ASF1B: variants seen among roughly 807,000 people sequenced by gnomAD.
ASF1B encodes histone chaperone ASF1B.
In ASF1B, 10 loss-of-function variants were observed where a neutral mutation model predicts 16.6. The ratio of observed to expected loss-of-function variants is 0.60; its 90% CI spans 0.37 to 1.02. The LOEUF (loss-of-function observed/expected upper bound fraction) is 1.02. Ranked by LOEUF, ASF1B falls within the 50% of genes least tolerant of loss-of-function variation. ASF1B has a pLI of 0.01. For missense variants in ASF1B, 240 were observed against 266.0 expected, an observed-to-expected ratio of 0.90 and a Z score of 0.68; for synonymous variants, 101 against 106.2, an observed-to-expected ratio of 0.95 and a Z score of 0.30.
At chr19:14,121,358 G>C in intron 3 of ASF1B, 174 bp downstream of exon 3, 1 of 609,442 alleles carries the variant, frequency 1.6e-6, no homozygotes, top group Non-Finnish European at 2.7e-6. Flanking sequence ...AATTCTCTAA[G>C]ACATGCCTTT....
At chr19:14,135,240 A>T (rs1427275361) in intron 1 of ASF1B, among the ~76,000 whole-genome samples, 1 of 151,364 alleles carries the variant, frequency 6.6e-6, no homozygotes, top group East Asian at 1.9e-4. Flanking sequence ...AAAAAAAAAA[A>T]AGAAGAGGAA....
rs1329858336 is a variant in ASF1B, at chr19:14,120,493, C to T, written c.575G>A (p.Gly192Asp). The T allele has an allele frequency of 1.2e-6, 2 of 1,612,778 alleles. No homozygotes were observed. Among genetic ancestry groups the T allele is most frequent in the African/African-American group, 1.3e-5 (1 of 74,848 alleles). Residue 192 changes from glycine to aspartate, a missense_variant, in exon 4 of 4, where the codon GGC (glycine) becomes GAC (aspartate). Transcript: ENST00000263382. ...GTCCATGGAGTTCTCAGGGAGGAGG[C>T]CAGGGATGCAGCCAGGGAGCCCCAA... is the stretch of plus-strand genomic sequence containing the variant. ...KGLGLPGCIP[G>D]LLPENSMDCI
In ASF1B at chr19:14,120,529, G is replaced by A; in HGVS notation, c.539C>T (p.Pro180Leu). Residue 180 changes from proline (P) to leucine (L), a missense_variant, in exon 4 of 4, where the codon CCT (proline) becomes CTT (leucine). Coordinates refer to ENST00000263382, the MANE Select transcript of ASF1B (RefSeq NM_018154.3). Reference sequence around the variant, plus strand: ...GCCAGGGAGCCCCAAGCCCTTGATAGGAGTGCAGTTGAGTGGGAGGCCGCA... The same window carrying A: ...GCCAGGGAGCCCCAAGCCCTTGATAAGAGTGCAGTTGAGTGGGAGGCCGCA... Reference protein sequence around the residue: ...LGCGLPLNCTPIKGLGLPGCI... With the variant: ...LGCGLPLNCTLIKGLGLPGCI... The A allele has an allele frequency of 3.1e-6, 5 of 1,613,610 alleles. No homozygotes were observed. Among genetic ancestry groups the A allele is most frequent in the Non-Finnish European group, 4.2e-6 (5 of 1,179,698 alleles).
rs1599356162 is a variant in ASF1B, at chr19:14,121,638, C to T, written c.296G>A (p.Cys99Tyr). The T allele has an allele frequency of 6.2e-7, 1 of 1,613,958 alleles. No individual in the cohort carries two copies. Among genetic ancestry groups the T allele is most frequent in the Non-Finnish European group, 8.5e-7 (1 of 1,179,994 alleles). ...AVGVTVVLIT[C>Y]TYHGQEFIRV... ...GATGAACTCCTGTCCATGGTAGGTG[C>T]AGGTGATGAGGACCACAGTCACACC... is the stretch of plus-strand genomic sequence containing the variant. The change falls in exon 3 of 4, where the codon TGC becomes TAC. Residue 99 changes from cysteine (C) to tyrosine (Y), a missense_variant. Physicochemically the swap from Cys to Tyr is radical, Grantham distance 194. Transcript: ENST00000263382.
chr19:14,129,122 C>G (rs563918946), intron 1 of ASF1B, among the ~76,000 whole-genome samples: 1 of 152,162 alleles, frequency 6.6e-6, no homozygotes, highest in Admixed American at 6.5e-5. Context: ...GGTGTGGTGG[C>G]GCGTGCCGGT....
rs1287994365 is a variant in ASF1B, at chr19:14,120,084, C to A, written c.*375G>T. ...TGACAAAGCCTTTGGCTCAGCAGGA[C>A]TGGAGCCTTGACAGGCACTGACCAA... is the stretch of plus-strand genomic sequence containing the variant. On this transcript the variant is annotated 3_prime_UTR_variant, in exon 4 of 4. Coordinates refer to ENST00000263382, the MANE Select transcript of ASF1B (RefSeq NM_018154.3). 2 of 207,420 alleles carry A rather than the reference C, an allele frequency of 9.6e-6. No homozygotes were observed. Among genetic ancestry groups the A allele is most frequent in the Admixed American group, 6.1e-5 (1 of 16,294 alleles). 12.8% of individuals were successfully genotyped at this position (207,420 alleles called of 1,614,324 possible). A position where few individuals can be genotyped will look rare whatever the true frequency, so the allele number is the denominator to read the frequency against.
intron 2 of ASF1B, among the ~76,000 whole-genome samples, chr19:14,123,092 C>T (rs1397104254): frequency 1.3e-5 from 2 of 152,178 alleles, no homozygotes; most frequent in Non-Finnish European, 2.9e-5. Context: ...AACACCACGC[C>T]CCTCCAGAAA....
At position 14,136,388 on chromosome 19, in the gene ASF1B, C is replaced by A. The variant is rs756363838; in HGVS notation, c.69G>T (p.Arg23=). 6.2e-7 allele frequency: 1 copy of A among 1,613,628 alleles called. No individual in the cohort carries two copies. The highest frequency in any genetic ancestry group is 8.5e-7 in the Non-Finnish European group (1 of 1,179,676). Residue 23 remains arginine (R), a synonymous_variant, in exon 1 of 4, where the codon CGG becomes CGT. Coordinates refer to ENST00000263382, the MANE Select transcript of ASF1B (RefSeq NM_018154.3). The part of the protein sequence containing the change: ...ENPSPFHSPF[R]FEISFECSEA... ...CACTGCACTCGAAGCTGATCTCGAA[C>A]CGGAAGGGGCTGTGGAAAGGGCTCG...
At chr19:14,126,471 A>G (rs905642087) in intron 1 of ASF1B, among the ~76,000 whole-genome samples, 3 of 149,148 alleles carry the variant, frequency 2.0e-5, no homozygotes, top group Non-Finnish European at 3.0e-5. Flanking sequence ...CGCCTAGCTA[A>G]TTTTTTTTTT....
At chr19:14,135,799 G>C (rs1226378615) in intron 1 of ASF1B, among the ~76,000 whole-genome samples, 2 of 151,840 alleles carry the variant, frequency 1.3e-5, no homozygotes, top group Non-Finnish European at 2.9e-5. Context: ...GTCTCCAGAG[G>C]GAAAATGGGA....
intron 1 of ASF1B, 81 bp from the exon 2 acceptor site, chr19:14,126,318 T>C (rs2144513030): frequency 9.9e-7 from 1 of 1,010,456 alleles, no homozygotes; most frequent in Middle Eastern, 2.2e-4. Flanking sequence ...TTTTTTTTTT[T>C]TTTTGAGATG....
chr19:14,121,923 CTT>C (rs532286071), intron 2 of ASF1B, among the ~76,000 whole-genome samples: 1 of 141,884 alleles, frequency 7.0e-6, no homozygotes, highest in Non-Finnish European at 1.6e-5. Flanking sequence ...ACCCGGCTAA[CTT>C]TTTTTTTTTT....
In ASF1B at chr19:14,136,557, A is replaced by C. The variant is rs910575687; in HGVS notation, c.-101T>G. The C allele has an allele frequency of 5.8e-6, 5 of 869,422 alleles. No homozygotes were observed. Among genetic ancestry groups the C allele is most frequent in the Non-Finnish European group, 5.2e-6 (3 of 580,142 alleles). The allele number at this position is 869,422 out of a possible 1,614,324, so 53.9% of individuals were successfully genotyped here. On this transcript the variant is annotated 5_prime_UTR_variant, in exon 1 of 4. Coordinates refer to ENST00000263382, the MANE Select transcript of ASF1B (RefSeq NM_018154.3). ...CAGTGGGGTAGGGCTGACCAGGTCC[A>C]CTCCCGCCTCTTCTCTCCGAGAACT... is the stretch of plus-strand genomic sequence containing the variant.
chr19:14,125,900 A>T (rs1466561971), intron 2 of ASF1B, among the ~76,000 whole-genome samples: 1 of 151,258 alleles, frequency 6.6e-6, no homozygotes, highest in East Asian at 1.9e-4. Flanking sequence ...ACAGGGTCTC[A>T]CTGTGTTGCC....
At chr19:14,123,900 C>T (rs956876871) in intron 2 of ASF1B, among the ~76,000 whole-genome samples, 1 of 151,540 alleles carries the variant, frequency 6.6e-6, no homozygotes, top group Non-Finnish European at 1.5e-5. Flanking sequence ...AAATAATTCT[C>T]GTGCCTCAGC....
intron 1 of ASF1B, among the ~76,000 whole-genome samples, chr19:14,134,966 G>C (rs1312090453): frequency 6.6e-6 from 1 of 151,862 alleles, no homozygotes; most frequent in African/African-American, 2.4e-5. Context: ...GCTCACGCCT[G>C]TAATCCCAGC....
intron 1 of ASF1B, among the ~76,000 whole-genome samples, chr19:14,132,972 T>C (rs1199791100): frequency 6.6e-6 from 1 of 151,436 alleles, no homozygotes; most frequent in African/African-American, 2.4e-5. Context: ...TCCAAAAAGT[T>C]AGCTGGGCAT....
intron 2 of ASF1B, among the ~76,000 whole-genome samples, chr19:14,123,561 T>C (rs562843100): frequency 1.3e-5 from 2 of 151,854 alleles, no homozygotes; most frequent in Admixed American, 6.6e-5. Context: ...TTGTATTTTT[T>C]AGTAGAGATG....
chr19:14,124,355 A>G (rs36054336), intron 2 of ASF1B, among the ~76,000 whole-genome samples: 15,430 of 151,590 alleles, frequency 0.1, 986 homozygotes, highest in Admixed American at 0.18. Flanking sequence ...GGGTCTCGCT[A>G]TGTGGCCCAG....
Sources: allele counts gnomAD v4.1 joint callset (sites outside exome capture counted in the v4.1 genomes callset), GRCh38; gene constraint gnomAD v4.1.1; transcripts MANE v1.5; gene names NCBI Gene and HGNC (gene_info 2026-07-23, HGNC 2026-07-21).